Variants in PTK7 observed in about 807,000 individuals in gnomAD.
PTK7 encodes inactive tyrosine-protein kinase 7.
In PTK7, 39 loss-of-function variants were observed where a neutral mutation model predicts 116.6. The ratio of observed to expected loss-of-function variants is 0.33; its 90% CI spans 0.26 to 0.44. The LOEUF (loss-of-function observed/expected upper bound fraction) is 0.44, where lower values mean the gene tolerates loss of function less well. Ranked by LOEUF, PTK7 falls within the 20% of genes least tolerant of loss-of-function variation. The pLI, the probability that PTK7 is intolerant of heterozygous loss-of-function variation, is 1.00. For synonymous variants in PTK7, 546 were observed against 563.6 expected, an observed-to-expected ratio of 0.97 and a Z score of 0.44; for missense variants, 1,169 against 1,425.6, an observed-to-expected ratio of 0.82 and a Z score of 2.90.
At chr6:43,125,297 C>A (rs2150421504) in intron 1 of PTK7, among the ~76,000 whole-genome samples, 1 of 152,360 alleles carries the variant, frequency 6.6e-6, no homozygotes, top group Middle Eastern at 3.4e-3. Flanking sequence ...GTTTCCCAGG[C>A]CCAGTCGTTG....
intron 7 of PTK7, among the ~76,000 whole-genome samples, chr6:43,134,111 T>A (rs574496863): frequency 2.0e-5 from 3 of 152,302 alleles, no homozygotes; most frequent in Non-Finnish European, 2.9e-5. Flanking sequence ...TGATCTTGGC[T>A]CACTGCAACC....
intron 1 of PTK7, among the ~76,000 whole-genome samples, chr6:43,078,068 G>A (rs1195661228): frequency 6.6e-6 from 1 of 152,252 alleles, no homozygotes; most frequent in Non-Finnish European, 1.5e-5. Flanking sequence ...TGTCCTGGTT[G>A]GGTTTTGGTG....
intron 1 of PTK7, among the ~76,000 whole-genome samples, chr6:43,078,098 G>T (rs1766160103): frequency 6.6e-6 from 1 of 152,234 alleles, no homozygotes; most frequent in South Asian, 2.1e-4. Context: ...GCCCAATGAG[G>T]CTGCCTTCAC....
intron 7 of PTK7, among the ~76,000 whole-genome samples, chr6:43,137,013 A>G (rs1207517393): frequency 1.3e-5 from 2 of 152,212 alleles, no homozygotes; most frequent in Non-Finnish European, 2.9e-5. Context: ...CACACACACA[A>G]AAAGAAATAA....
At chr6:43,119,022 A>C (rs1477473976) in intron 1 of PTK7, among the ~76,000 whole-genome samples, 1 of 151,830 alleles carries the variant, frequency 6.6e-6, no homozygotes, top group Non-Finnish European at 1.5e-5. Flanking sequence ...CGGCTTCCCA[A>C]AGTGTTGAGA....
At chr6:43,094,314 C>T (rs977784447) in intron 1 of PTK7, among the ~76,000 whole-genome samples, 2 of 152,114 alleles carry the variant, frequency 1.3e-5, no homozygotes, top group Non-Finnish European at 2.9e-5. Flanking sequence ...ACCAGTTTTC[C>T]CCCTTCAGTC....
In PTK7 at chr6:43,143,446, C is replaced by T; in HGVS notation, c.2077C>T (p.Pro693Ser). 4 of 1,613,968 alleles carry T rather than the reference C, an allele frequency of 2.5e-6. No homozygotes were observed. The highest frequency in any genetic ancestry group is 3.4e-6 in the Non-Finnish European group (4 of 1,180,014). Residue 693 changes from proline (P) to serine (S), a missense_variant, in exon 14 of 20, where the codon CCT becomes TCT. By Grantham distance (74) the Pro-to-Ser change is moderately conservative. Around this residue, in one of 3 missense-constraint regions of PTK7, gnomAD observed 678 missense variants for 853.8 expected, o/e 0.79. Coordinates refer to ENST00000230419, the MANE Select transcript of PTK7 (RefSeq NM_002821.5). This position sits in a 1 kb window ranked among gnomAD's most constrained non-coding sequence, Gnocchi z 4.2. ...GCCTGTGCCGGAGGAGTCGGAGGGC[C>T]CTGGCAGCCCTCCCCCCTACAAGAT... ...DKPVPEESEG[P>S]GSPPPYKMIQ...
rs1431503160 is a variant in PTK7, at chr6:43,118,651, CTCTCTCTCTATATATA to C, written c.80-10324_80-10309del. On this transcript the variant is annotated intron_variant, in intron 1 of 19. Transcript: ENST00000230419. Reference sequence around the variant, plus strand: ...TCTCTCTCTCTCTCTCTCTCTCTCTCTCTCTCTCTATATATATATATATATATATATATATATGTAT... The same window carrying C: ...TCTCTCTCTCTCTCTCTCTCTCTCTCTATATATATATATATATATATGTAT... Among the ~76,000 whole-genome samples the C allele has an allele frequency of 2.9e-3, 243 of 82,666 alleles. 1 individual carries two copies. Among genetic ancestry groups the C allele is most frequent in the African/African-American group, 5.5e-3 (89 of 16,210 alleles). The allele number at this position is 82,666 out of a possible 152,430, so 54.2% of individuals were successfully genotyped here.
In PTK7 at chr6:43,139,184, G is replaced by A. The variant is rs752545639; in HGVS notation, c.1411G>A (p.Val471Met). The change falls in exon 9 of 20, where the codon GTG (valine) becomes ATG (methionine). Residue 471 changes from valine (V) to methionine (M), a missense_variant. Coordinates refer to ENST00000230419, the MANE Select transcript of PTK7 (RefSeq NM_002821.5). This position sits in a 1 kb window ranked among gnomAD's most constrained non-coding sequence, Gnocchi z 4.6. Reference protein sequence around the residue: ...FKNGTLRINSVEVYDGTWYRC... With the variant: ...FKNGTLRINSMEVYDGTWYRC... ...GAATGGGACCTTGCGCATCAACAGC[G>A]TGGAGGTGTATGATGGGACATGGTA... 3.7e-6 allele frequency: 6 copies of A among 1,614,126 alleles called. No homozygotes were observed. The highest frequency in any genetic ancestry group is 2.2e-5 in the East Asian group (1 of 44,896).
intron 1 of PTK7, among the ~76,000 whole-genome samples, chr6:43,096,179 G>A (rs1767241529): frequency 6.6e-6 from 1 of 152,196 alleles, no homozygotes; most frequent in Non-Finnish European, 1.5e-5. Context: ...TGCTATCTCA[G>A]CCTCGGGGAG....
chr6:43,159,179 T>C (rs2150485237), intron 18 of PTK7, among the ~76,000 whole-genome samples: 1 of 152,314 alleles, frequency 6.6e-6, no homozygotes, highest in Non-Finnish European at 1.5e-5. Flanking sequence ...GTAAAATGTC[T>C]CTAGCGATTA....
At chr6:43,081,386 G>T (rs934819713) in intron 1 of PTK7, among the ~76,000 whole-genome samples, 3 of 151,970 alleles carry the variant, frequency 2.0e-5, no homozygotes, top group African/African-American at 7.2e-5. Flanking sequence ...TATGTAGGTG[G>T]TTTTTTTGTT....
chr6:43,098,450 G>A (rs1346647619), intron 1 of PTK7, among the ~76,000 whole-genome samples: 1 of 151,842 alleles, frequency 6.6e-6, no homozygotes, highest in Non-Finnish European at 1.5e-5. Context: ...CTTCCTCCTG[G>A]GTTCAAGCAA....
At chr6:43,140,516 G>A (rs1027010066) in intron 10 of PTK7, among the ~76,000 whole-genome samples, 1 of 151,356 alleles carries the variant, frequency 6.6e-6, no homozygotes, top group Non-Finnish European at 1.5e-5. Context: ...ATCTTTGGGT[G>A]TATGTCTTCT....
At position 43,144,530 on chromosome 6, in the gene PTK7, G is replaced by T; in HGVS notation, c.2331G>T (p.Ala777=). The T allele has an allele frequency of 1.2e-6, 2 of 1,614,132 alleles. No individual in the cohort carries two copies. The highest frequency in any genetic ancestry group is 1.7e-6 in the Non-Finnish European group (2 of 1,180,028). ...VALTSLGSGP[A]ATNKRHSTSD... is the part of the protein sequence containing the mutation. ...TGACCAGCTTGGGCTCCGGCCCCGC[G>T]GCCACCAACAAACGCCACAGCACAA... The change falls in exon 15 of 20, where the codon GCG becomes GCT. Residue 777 remains alanine, a synonymous_variant. Transcript: ENST00000230419.
At chr6:43,135,350 G>A (rs1185009993) in intron 7 of PTK7, among the ~76,000 whole-genome samples, 1 of 152,204 alleles carries the variant, frequency 6.6e-6, no homozygotes, top group African/African-American at 2.4e-5. Context: ...TCCCAGTACT[G>A]GATGCAACTG....
At chr6:43,092,083 GA>G (rs1308634702) in intron 1 of PTK7, among the ~76,000 whole-genome samples, 2 of 152,012 alleles carry the variant, frequency 1.3e-5, no homozygotes, top group African/African-American at 2.4e-5. Context: ...GGCTGGTCTT[GA>G]ACTCCTGACC....
intron 1 of PTK7, among the ~76,000 whole-genome samples, chr6:43,100,998 C>T (rs1431220269): frequency 7.3e-6 from 1 of 136,966 alleles, no homozygotes; most frequent in Non-Finnish European, 1.6e-5. Context: ...TTTGGGAGGC[C>T]GAGGCGGGCA....
At chr6:43,105,230 CATT>C (rs1345086679) in intron 1 of PTK7, among the ~76,000 whole-genome samples, 3 of 150,846 alleles carry the variant, frequency 2.0e-5, no homozygotes, top group Admixed American at 2.0e-4. Flanking sequence ...GAAACCCTCT[CATT>C]ATCAGTGTGC....
Sources: gnomAD v4.1 joint callset for allele counts (sites outside exome capture counted in the v4.1 genomes callset) on GRCh38, gnomAD v4.1.1 for gene constraint, gnomAD v4.1.1 regional missense constraint, Gnocchi (gnomAD v3.1) non-coding constraint, MANE v1.5 for transcripts, NCBI Gene and HGNC (gene_info 2026-07-23, HGNC 2026-07-21) for gene names.